Variants in LARGE1 observed in about 807,000 individuals in gnomAD.
LARGE1 encodes the protein LARGE xylosyl- and glucuronyltransferase 1.
Under a neutral mutation model 87.6 loss-of-function variants are expected in LARGE1, and 43 were observed. That is an observed-to-expected ratio of 0.49 (90% CI 0.38 to 0.63). The LOEUF is 0.63. Among genes scored for constraint, LARGE1 ranks in the 30% least tolerant of loss-of-function variants. The pLI is 0.00. For synonymous variants in LARGE1, 434 were observed against 394.6 expected (o/e 1.10, Z -1.18); for missense variants, 802 against 1,000.2 (o/e 0.80, Z 2.67).
rs184035507 is a variant in LARGE1, at chr22:33,826,789, A to G, written c.-82-65231T>C. Among the ~76,000 whole-genome samples the G allele has an allele frequency of 4.1e-3, 620 of 152,274 alleles. 1 individual carries two copies. The highest frequency in any genetic ancestry group is 0.011 in the Admixed American group (163 of 15,292). On this transcript the variant is annotated intron_variant, in intron 1 of 14. Transcript: ENST00000397394. ...CAGGGAACAGCTACAGGTTTCAGGAATTGGAGCCTGTTATCATTGGCCTAC... is the reference window on the plus strand; with the variant it reads ...CAGGGAACAGCTACAGGTTTCAGGAGTTGGAGCCTGTTATCATTGGCCTAC...
intron 11 of LARGE1, among the ~76,000 whole-genome samples, chr22:33,223,960 C>A (rs1164993480): frequency 2.6e-5 from 4 of 152,148 alleles, no homozygotes; most frequent in African/African-American, 9.6e-5. Context: ...CACCTCTATG[C>A]CCCCAGCTCT....
At chr22:33,832,025 C>T (rs2146339712) in intron 1 of LARGE1, among the ~76,000 whole-genome samples, 1 of 152,350 alleles carries the variant, frequency 6.6e-6, no homozygotes, top group South Asian at 2.1e-4. Context: ...TCCCTTCTTC[C>T]TTTCACCCAG....
In LARGE1 at chr22:33,607,591, G is replaced by C. The variant is rs61619580; in HGVS notation, c.492-3033C>G. Reference sequence around the variant, plus strand: ...AGGGAGGAGCAGAAGGCAACACTGGGGTTCCTGGGTCAGCGGCAATGGCTC... The same window carrying C: ...AGGGAGGAGCAGAAGGCAACACTGGCGTTCCTGGGTCAGCGGCAATGGCTC... On this transcript the variant is annotated intron_variant, in intron 4 of 14. Coordinates refer to ENST00000397394, the MANE Select transcript of LARGE1 (RefSeq NM_133642.5). Among the ~76,000 whole-genome samples the C allele has an allele frequency of 1.4e-3, 208 of 152,160 alleles. 1 individual carries two copies. Among genetic ancestry groups the C allele is most frequent in the African/African-American group, 4.9e-3 (202 of 41,532 alleles).
chr22:33,276,361 T>C (rs1028645981), intron 14 of LARGE1, among the ~76,000 whole-genome samples: 7 of 152,226 alleles, frequency 4.6e-5, no homozygotes, highest in African/African-American at 1.4e-4. Context: ...CAAAGTTTTA[T>C]TGAAACAGCC....
At chr22:33,743,400 T>TA (rs2083962988) in intron 2 of LARGE1, among the ~76,000 whole-genome samples, 1 of 152,116 alleles carries the variant, frequency 6.6e-6, no homozygotes, top group Non-Finnish European at 1.5e-5. Flanking sequence ...TCTGCCAGTA[T>TA]CCATTTGCTC....
chr22:33,660,833 GAA>G (rs200472922), intron 2 of LARGE1, among the ~76,000 whole-genome samples: 1,786 of 152,310 alleles, frequency 0.012, 16 homozygotes, highest in Non-Finnish European at 0.019. Flanking sequence ...CACTCAAGAT[GAA>G]AGATTTCATA....
chr22:33,074,322 AC>A, the LARGE1 span, among the ~76,000 whole-genome samples: 1 of 152,282 alleles, frequency 6.6e-6, no homozygotes, highest in African/African-American at 2.4e-5. Context: ...CATAATCATG[AC>A]CGCAATGTGA....
intron 7 of LARGE1, among the ~76,000 whole-genome samples, chr22:33,391,666 A>T (rs1569121931): frequency 6.6e-6 from 1 of 152,152 alleles, no homozygotes; most frequent in East Asian, 1.9e-4. Flanking sequence ...CTCCCAAAAA[A>T]GAAAATTTTA....
intron 12 of LARGE1, among the ~76,000 whole-genome samples, chr22:33,299,208 G>C (rs746037870): frequency 2.6e-5 from 4 of 151,876 alleles, no homozygotes; most frequent in African/African-American, 4.8e-5. Flanking sequence ...GTGAGAGAGA[G>C]AGAGGAAGCA....
At chr22:33,719,653 T>TGGGACTA (rs921213925) in intron 2 of LARGE1, among the ~76,000 whole-genome samples, 27 of 152,166 alleles carry the variant, frequency 1.8e-4, no homozygotes, top group South Asian at 6.2e-4. Context: ...CCTGAGTAGC[T>TGGGACTA]GGGACTACAG....
the LARGE1 span, among the ~76,000 whole-genome samples, chr22:33,097,905 T>C: frequency 6.6e-6 from 1 of 152,246 alleles, no homozygotes; most frequent in Non-Finnish European, 1.5e-5. Context: ...TAGCCATTAC[T>C]ATATAACTGG....
At chr22:33,565,151 T>A in intron 5 of LARGE1, 132 bp from the exon 6 acceptor site, 1 of 807,780 alleles carries the variant, frequency 1.2e-6, no homozygotes, top group Non-Finnish European at 2.0e-6. Context: ...AATAAATGAA[T>A]GAGTTTTCTT....
intron 12 of LARGE1, among the ~76,000 whole-genome samples, chr22:33,290,314 C>G (rs1932306148): frequency 6.6e-6 from 1 of 152,196 alleles, no homozygotes. Flanking sequence ...CTGCCTAGTT[C>G]TGACAACTTC....
intron 9 of LARGE1, among the ~76,000 whole-genome samples, chr22:33,366,729 A>G (rs967825754): frequency 6.6e-6 from 1 of 152,198 alleles, no homozygotes; most frequent in Non-Finnish European, 1.5e-5. Flanking sequence ...CTGTGAGTCA[A>G]TTACACCTCT....
Position 33,845,850 on chromosome 22 carries a change from G to A in LARGE1, c.-83+74145C>T, listed in dbSNP as rs117207287. Among the ~76,000 whole-genome samples the A allele has an allele frequency of 4.6e-4, 70 of 151,930 alleles. 1 individual carries two copies. The East Asian group carries it at 6.8e-3, about 15-fold the overall frequency. ...CCCGTGATTACTTTGAAGCAAATCC[G>A]CGATATACTATCATCTTGGTCCTGA... On this transcript the variant is annotated intron_variant, in intron 1 of 14. Transcript: ENST00000397394.
chr22:33,637,605 T>C (rs564227549), intron 3 of LARGE1, among the ~76,000 whole-genome samples: 1 of 151,920 alleles, frequency 6.6e-6, no homozygotes, highest in East Asian at 1.9e-4. Context: ...TTTTTACTTC[T>C]TCTGTTTAAA....
At chr22:33,087,710 G>A in the LARGE1 span, among the ~76,000 whole-genome samples, 1 of 152,196 alleles carries the variant, frequency 6.6e-6, no homozygotes, top group Admixed American at 6.5e-5. Context: ...CAAGGCAGGT[G>A]GATCACCTGC....
At chr22:33,480,175 G>A (rs17803678) in intron 6 of LARGE1, among the ~76,000 whole-genome samples, 5,296 of 152,254 alleles carry the variant, frequency 0.035, 140 homozygotes, top group Middle Eastern at 0.092. Context: ...CAACCGAGGC[G>A]CAAGGAACAG....
intron 4 of LARGE1, among the ~76,000 whole-genome samples, chr22:33,606,642 A>G (rs891790432): frequency 1.3e-5 from 2 of 152,000 alleles, no homozygotes; most frequent in African/African-American, 4.8e-5. Context: ...CTCTGCAGGC[A>G]TCTGTCCCGC....
Sources: gnomAD v4.1 joint callset for allele counts (sites outside exome capture counted in the v4.1 genomes callset) on GRCh38, gnomAD v4.1.1 for gene constraint, MANE v1.5 for transcripts, NCBI Gene and HGNC (gene_info 2026-07-23, HGNC 2026-07-21) for gene names.